RNF32: variants seen among roughly 807,000 people sequenced by gnomAD.
RNF32 encodes the protein ring finger protein 32.
A neutral mutation model predicts 41.0 loss-of-function variants in RNF32; 36 were observed. The ratio of observed to expected loss-of-function variants is 0.88; its 90% confidence interval spans 0.67 to 1.16. RNF32 has a LOEUF of 1.16. RNF32 is among the 50% of genes most tolerant of loss of function. The probability of loss-of-function intolerance (pLI) is 0.00; values close to 1 mark genes in which losing one functional copy is unlikely to be tolerated. For missense variants in RNF32, 413 were observed against 436.7 expected, an observed-to-expected ratio of 0.95 and a Z score of 0.48; for synonymous variants, 154 against 160.9, an observed-to-expected ratio of 0.96 and a Z score of 0.32.
intron 4 of RNF32, 118 bp from the exon 5 acceptor site, chr7:156,657,423 A>G: frequency 1.1e-6 from 1 of 939,358 alleles, no homozygotes; most frequent in Non-Finnish European, 1.7e-6. Context: ...AAAGTTATTA[A>G]TTTGCTTTTT....
intron 1 of RNF32, among the ~76,000 whole-genome samples, chr7:156,641,981 A>G (rs35970393): frequency 0.074 from 11,290 of 152,296 alleles, 553 homozygotes; most frequent in East Asian, 0.26. Flanking sequence ...CTAACCCTGG[A>G]TATCTCAGAG....
chr7:156,640,329 C>T (rs548784503), upstream of RNF32: 23 of 451,086 alleles, frequency 5.1e-5, 1 homozygote, highest in South Asian at 3.3e-4. Context: ...GGGGCCCAGG[C>T]CCAGGTGGGC....
At chr7:156,644,807 C>T in intron 3 of RNF32, 50 bp downstream of exon 3, 3 of 1,542,212 alleles carry the variant, frequency 1.9e-6, no homozygotes, top group Non-Finnish European at 2.6e-6. Context: ...CTAAAAAAAT[C>T]TATTGAGATT....
rs1338234476 is a variant in RNF32, at chr7:156,676,852, T to G, written c.*197T>G. ...ATTTTAATCTTTGGTCTCTAAAAAG[T>G]AAATTTCAAATTTATGAGTTTAATC... On this transcript the variant is annotated 3_prime_UTR_variant, in exon 9 of 9. Transcript: ENST00000317955. 3 of 567,016 alleles carry G rather than the reference T, an allele frequency of 5.3e-6. No individual in the cohort carries two copies. The highest frequency in any genetic ancestry group is 9.4e-6 in the Non-Finnish European group (3 of 320,098). The allele number at this position is 567,016 out of a possible 1,614,324, so 35.1% of individuals were successfully genotyped here.
intron 3 of RNF32, among the ~76,000 whole-genome samples, chr7:156,651,925 G>A (rs373083089): frequency 4.6e-5 from 7 of 151,908 alleles, no homozygotes; most frequent in South Asian, 2.1e-4. Flanking sequence ...GCCCCTCCCC[G>A]GGCTCCCTCT....
At chr7:156,676,126 G>A in intron 8 of RNF32, 2 of 892,158 alleles carry the variant, frequency 2.2e-6, no homozygotes, top group Non-Finnish European at 3.3e-6. Flanking sequence ...ATGGGCTTTA[G>A]GGTGACGGCA....
rs575381712 is a variant in RNF32 at position 156,657,496 on chromosome 7, T to G, written c.418-45T>G. 5.6e-5 allele frequency: 90 copies of G among 1,600,778 alleles called. 1 individual carries two copies. The South Asian group carries it at 9.1e-4, about 16-fold the overall frequency. ...ATTTTAACTGTTGGATACATGCTGC[T>G]TCTCTTTTGTAAACTTCAACGTCGT... On this transcript the variant is annotated intron_variant, in intron 4 of 8. Coordinates refer to ENST00000317955, the MANE Select transcript of RNF32 (RefSeq NM_030936.4).
intron 7 of RNF32, chr7:156,659,193 C>A: frequency 8.6e-7 from 1 of 1,158,864 alleles, no homozygotes. Context: ...AGCTCCGAGG[C>A]TGTCATATGA....
chr7:156,675,006 C>T (rs1803487619), intron 7 of RNF32, among the ~76,000 whole-genome samples: 1 of 152,190 alleles, frequency 6.6e-6, no homozygotes, highest in South Asian at 2.1e-4. Flanking sequence ...AATTCTTCAG[C>T]TGGAGCCCTG....
chr7:156,671,650 G>A (rs1382566280), intron 7 of RNF32, among the ~76,000 whole-genome samples: 2 of 150,864 alleles, frequency 1.3e-5, no homozygotes, highest in East Asian at 2.0e-4. Flanking sequence ...GCAGGACGCC[G>A]ATGTTTGCGG....
rs576501579 is a variant in RNF32 at position 156,643,790 on chromosome 7, C to A, written c.-77-11C>A. 7 of 1,233,770 alleles carry A rather than the reference C, an allele frequency of 5.7e-6. No individual in the cohort carries two copies. The Admixed American group carries it at 1.0e-4, about 18-fold the overall frequency. 76.4% of individuals were successfully genotyped at this position (1,233,770 alleles called of 1,614,324 possible). ...TGTAACTTTGACTTTCTGTTGACCA[C>A]GTCTTTGCAGCAGAAGAATAGAAGG... On this transcript the variant is annotated splice_polypyrimidine_tract_variant and intron_variant, in intron 1 of 8. Transcript: ENST00000317955.
chr7:156,640,369 A>G (rs1797116214), upstream of RNF32: 1 of 443,102 alleles, frequency 2.3e-6, no homozygotes, highest in Non-Finnish European at 4.5e-6. Flanking sequence ...CTGCGCCCAC[A>G]AAGCCGCCGG....
chr7:156,654,464 G>T (rs1404275564), intron 3 of RNF32, 112 bp from the exon 4 acceptor site: 2 of 841,378 alleles, frequency 2.4e-6, no homozygotes, highest in Non-Finnish European at 3.7e-6. Flanking sequence ...TAAAGTATGT[G>T]ATCTATATGT....
Position 156,655,416 on chromosome 7 carries a change from G to A in RNF32, c.417+698G>A, listed in dbSNP as rs145727432. On this transcript the variant is annotated intron_variant, in intron 4 of 8. Coordinates refer to ENST00000317955, the MANE Select transcript of RNF32 (RefSeq NM_030936.4). ...ATCAGAAGTGTGTGTGTGCGTGCAC[G>A]TGCGTGCGTGGTTGCCCTGTAACAA... 1.6e-3 allele frequency among the ~76,000 whole-genome samples: 245 copies of A among 152,320 alleles called. 1 individual carries two copies. The highest frequency in any genetic ancestry group is 5.5e-3 in the African/African-American group (228 of 41,558).
At chr7:156,675,196 T>C (rs1181858415) in intron 7 of RNF32, among the ~76,000 whole-genome samples, 2 of 151,986 alleles carry the variant, frequency 1.3e-5, no homozygotes, top group Non-Finnish European at 2.9e-5. Context: ...CTATGCTAGG[T>C]TGGATGAGGA....
chr7:156,663,339 GTA>G (rs1246887770), intron 7 of RNF32, among the ~76,000 whole-genome samples: 3 of 152,134 alleles, frequency 2.0e-5, no homozygotes, highest in Admixed American at 6.5e-5. Flanking sequence ...GCACATATGT[GTA>G]TATGTTATGC....
rs749167110 is a variant in RNF32 at position 156,676,428 on chromosome 7, C to T, written c.862C>T (p.Arg288Trp). The change falls in exon 9 of 9, where the codon CGG (arginine) becomes TGG (tryptophan). Residue 288 changes from arginine (R) to tryptophan (W), a missense_variant. Coordinates refer to ENST00000317955, the MANE Select transcript of RNF32 (RefSeq NM_030936.4). ...GTCCTGTGTGCCGCAGGCTCTGCGC[C>T]GGGAGACCCACGAGTGCTCCATCTG... ...WEKIQVQALR[R>W]ETHECSICLA... The T allele has an allele frequency of 2.7e-5, 43 of 1,613,952 alleles. No individual in the cohort carries two copies. The highest frequency in any genetic ancestry group is 5.5e-5 in the South Asian group (5 of 91,078).
In RNF32 at chr7:156,654,648, GCTCT is replaced by G. The variant is rs777153763; in HGVS notation, c.351_354del (p.Leu118CysfsTer59). 6.2e-7 allele frequency: 1 copy of G among 1,613,844 alleles called. No individual in the cohort carries two copies. Among genetic ancestry groups the G allele is most frequent in the Non-Finnish European group, 8.5e-7 (1 of 1,179,856 alleles). ...GATGAATGGGAGAAGGTGAAACAGC[GCTCT>G]CTCCTGCAAGGGGACTCCGTGCAAC... On this transcript the variant is annotated frameshift_variant, in exon 4 of 9. Transcript: ENST00000317955. LOFTEE classifies it high-confidence loss of function.
intron 4 of RNF32, among the ~76,000 whole-genome samples, chr7:156,655,234 C>CGT (rs1799429054): frequency 6.8e-6 from 1 of 147,614 alleles, no homozygotes; most frequent in Non-Finnish European, 1.5e-5. Context: ...AATATACACG[C>CGT]GCGCGCACAC....
Sources: allele counts gnomAD v4.1 joint callset (sites outside exome capture counted in the v4.1 genomes callset), GRCh38; gene constraint gnomAD v4.1.1; transcripts MANE v1.5; gene names NCBI Gene and HGNC (gene_info 2026-07-23, HGNC 2026-07-21).